Variants in SSBP4 observed in about 807,000 individuals in gnomAD.
SSBP4 encodes the protein single stranded DNA binding protein 4.
In SSBP4, 33 loss-of-function variants were observed where a neutral mutation model predicts 64.6. The ratio of observed to expected loss-of-function variants is 0.51; its 90% CI spans 0.39 to 0.68. SSBP4 has a LOEUF of 0.68. SSBP4 is among the 30% of genes least tolerant of loss of function. The pLI is 0.00. For synonymous variants in SSBP4, 243 were observed against 224.0 expected (o/e 1.08, Z -0.76); for missense variants, 583 against 566.8 (o/e 1.03, Z -0.29).
In SSBP4 at chr19:18,427,078, G is replaced by A. The variant is rs371334699; in HGVS notation, c.60-273G>A. Reference sequence around the variant, plus strand: ...CCTCTATGGAGGAGACCTCCCCAGCGCTGAGGCCTCTCTGGAGTCTCAGTG... The same window carrying A: ...CCTCTATGGAGGAGACCTCCCCAGCACTGAGGCCTCTCTGGAGTCTCAGTG... On this transcript the variant is annotated intron_variant, in intron 1 of 17. Transcript: ENST00000270061. The surrounding 1 kb of genome is among the most constrained non-coding windows in gnomAD (Gnocchi z 4.4). Among the ~76,000 whole-genome samples, 2 of 152,274 alleles carry A rather than the reference G, an allele frequency of 1.3e-5. No homozygotes were observed. The highest frequency in any genetic ancestry group is 2.4e-5 in the African/African-American group (1 of 41,538).
At chr19:18,420,308 G>A (rs1445117991) in intron 1 of SSBP4, among the ~76,000 whole-genome samples, 1 of 152,108 alleles carries the variant, frequency 6.6e-6, no homozygotes, top group Non-Finnish European at 1.5e-5. Context: ...CGACGGAGCC[G>A]CTCTCTTGAT....
In SSBP4 at chr19:18,427,456, C is replaced by A; in HGVS notation, c.132+33C>A. 6.2e-7 allele frequency: 1 copy of A among 1,602,124 alleles called. No homozygotes were observed. The highest frequency in any genetic ancestry group is 8.5e-7 in the Non-Finnish European group (1 of 1,177,560). ...ACCACCTCCAGGCTGGCCCTCCCTC[C>A]TCACCCACACTCCGGGGGTCCTTCA... is the stretch of plus-strand genomic sequence containing the variant. On this transcript the variant is annotated intron_variant, in intron 2 of 17. Coordinates refer to ENST00000270061, the MANE Select transcript of SSBP4 (RefSeq NM_032627.5). This position sits in a 1 kb window ranked among gnomAD's most constrained non-coding sequence, Gnocchi z 4.4.
chr19:18,417,547 G>C (rs1972163577), upstream of SSBP4, among the ~76,000 whole-genome samples: 1 of 152,208 alleles, frequency 6.6e-6, no homozygotes, highest in Admixed American at 6.5e-5. This position sits in a 1 kb window ranked among gnomAD's most constrained non-coding sequence, Gnocchi z 5.4. Flanking sequence ...GCAGTGGTGG[G>C]AGCGGTCATT....
upstream of SSBP4, among the ~76,000 whole-genome samples, chr19:18,417,188 G>A (rs532524259): frequency 5.9e-5 from 9 of 151,736 alleles, no homozygotes; most frequent in Non-Finnish European, 8.8e-5. The surrounding 1 kb of genome is among the most constrained non-coding windows in gnomAD (Gnocchi z 5.4). Context: ...GAAATTAACC[G>A]ACTGACTCGC....
chr19:18,416,942 C>T (rs1972140633), upstream of SSBP4, among the ~76,000 whole-genome samples: 1 of 152,234 alleles, frequency 6.6e-6, no homozygotes, highest in South Asian at 2.1e-4. Context: ...TCGCACTTTT[C>T]CGCCAGCGCC....
chr19:18,407,976 C>T, the SSBP4 span, among the ~76,000 whole-genome samples: 1 of 151,850 alleles, frequency 6.6e-6, no homozygotes, highest in Non-Finnish European at 1.5e-5. Context: ...AACTTCTGGG[C>T]TCAAGCAACC....
Position 18,434,221 on chromosome 19 carries a change from C to CGCCAT in SSBP4, c.1137_1138insTGCCA (p.Gly380CysfsTer4). 6.2e-7 allele frequency: 1 copy of CGCCAT among 1,611,984 alleles called. No individual in the cohort carries two copies. The highest frequency in any genetic ancestry group is 8.5e-7 in the Non-Finnish European group (1 of 1,179,614). ...TGCCCCCTCCTCTCTCCGCAGTACT[C>CGCCAT]GCCAGGGATGACCATGAGCGTGTGA... On this transcript the variant is annotated frameshift_variant, in exon 18 of 18. Coordinates refer to ENST00000270061, the MANE Select transcript of SSBP4 (RefSeq NM_032627.5). LOFTEE classifies it high-confidence loss of function.
the SSBP4 span, among the ~76,000 whole-genome samples, chr19:18,408,641 C>T: frequency 1.3e-5 from 2 of 151,988 alleles, no homozygotes; most frequent in South Asian, 2.1e-4. Context: ...TATAGGCGCC[C>T]GCCATCGCAC....
Position 18,431,379 on chromosome 19 carries a change from C to A in SSBP4, c.396C>A (p.Pro132=). The A allele has an allele frequency of 6.9e-7, 1 of 1,443,462 alleles. No homozygotes were observed. The highest frequency in any genetic ancestry group is 9.4e-7 in the Non-Finnish European group (1 of 1,063,586). 89.4% of individuals were successfully genotyped at this position (1,443,462 alleles called of 1,614,324 possible). Residue 132 remains proline, a synonymous_variant, in exon 6 of 18, where the codon CCC becomes CCA. Coordinates refer to ENST00000270061, the MANE Select transcript of SSBP4 (RefSeq NM_032627.5). ...FQGPPGSQPS[P]HNPNAPMMGP... is the part of the protein sequence containing the mutation. Reference sequence around the variant, plus strand: ...GCCCCCCCGGCTCCCAGCCGTCCCCCCACAACCCCAACGCCCCCATGATGG... The same window carrying A: ...GCCCCCCCGGCTCCCAGCCGTCCCCACACAACCCCAACGCCCCCATGATGG...
intron 4 of SSBP4, among the ~76,000 whole-genome samples, chr19:18,428,672 G>C (rs571852749): frequency 1.3e-5 from 2 of 152,086 alleles, no homozygotes; most frequent in Non-Finnish European, 2.9e-5. Context: ...CGTCTGGGGG[G>C]CGCCAGTCCC....
At chr19:18,425,533 G>A (rs2144720900) in intron 1 of SSBP4, among the ~76,000 whole-genome samples, 1 of 152,300 alleles carries the variant, frequency 6.6e-6, no homozygotes, top group South Asian at 2.1e-4. Flanking sequence ...CTAGCCACAG[G>A]GAAAAGCTCA....
At chr19:18,429,475 G>A (rs1485878911) in intron 4 of SSBP4, among the ~76,000 whole-genome samples, 4 of 151,544 alleles carry the variant, frequency 2.6e-5, no homozygotes, top group South Asian at 2.1e-4. Context: ...GGGGGCGGGG[G>A]GGGGGTGCGG....
chr19:18,429,119 C>T (rs1466184600), intron 4 of SSBP4, among the ~76,000 whole-genome samples: 1 of 152,182 alleles, frequency 6.6e-6, no homozygotes, highest in East Asian at 1.9e-4. Context: ...GTGACCGAAT[C>T]CCCGCGGGGA....
chr19:18,433,430 C>G, intron 15 of SSBP4, 155 bp from the exon 16 acceptor site: 1 of 1,377,500 alleles, frequency 7.3e-7, no homozygotes, highest in Non-Finnish European at 9.9e-7. Flanking sequence ...CCAGGCCCAA[C>G]CCTCCACCTG....
At chr19:18,429,656 G>C (rs931563640) in intron 4 of SSBP4, among the ~76,000 whole-genome samples, 1 of 151,996 alleles carries the variant, frequency 6.6e-6, no homozygotes, top group South Asian at 2.1e-4. Context: ...TTGTGTTTGC[G>C]GGAGGGGGCG....
the SSBP4 span, among the ~76,000 whole-genome samples, chr19:18,411,261 A>G: frequency 2.1e-4 from 32 of 152,142 alleles, no homozygotes; most frequent in African/African-American, 6.3e-4. Flanking sequence ...GGGATGCCAA[A>G]GTGGGCAGAT....
intron 12 of SSBP4, 23 bp from the exon 13 acceptor site, chr19:18,432,806 C>T (rs757285179): frequency 6.8e-6 from 11 of 1,613,700 alleles, no homozygotes; most frequent in East Asian, 2.2e-5. Context: ...CCATTTCTCA[C>T]GGTTCCTGTC....
At chr19:18,419,949 A>T (rs952378171) in intron 1 of SSBP4, among the ~76,000 whole-genome samples, 21 of 138,548 alleles carry the variant, frequency 1.5e-4, no homozygotes, top group African/African-American at 5.8e-4. Flanking sequence ...GGGGCGCTAG[A>T]CGGGAGTGGA....
Position 18,432,821 on chromosome 19 carries a change from G to A in SSBP4, c.787-8G>A. 2 of 1,613,988 alleles carry A rather than the reference G, an allele frequency of 1.2e-6. No individual in the cohort carries two copies. The highest frequency in any genetic ancestry group is 1.7e-6 in the Non-Finnish European group (2 of 1,179,936). On this transcript the variant is annotated splice_polypyrimidine_tract_variant and splice_region_variant and intron_variant, in intron 12 of 17. Coordinates refer to ENST00000270061, the MANE Select transcript of SSBP4 (RefSeq NM_032627.5). ...CCATTTCTCACGGTTCCTGTCTCTT[G>A]TGTGCAGGGACCCCCAGGAGGAGGT...
Sources: gnomAD v4.1 joint callset for allele counts (sites outside exome capture counted in the v4.1 genomes callset) on GRCh38, gnomAD v4.1.1 for gene constraint, Gnocchi (gnomAD v3.1) non-coding constraint, MANE v1.5 for transcripts, NCBI Gene and HGNC (gene_info 2026-07-23, HGNC 2026-07-21) for gene names.